SOX5: variants seen among roughly 807,000 people sequenced by gnomAD.
SOX5 encodes SRY-box transcription factor 5.
Under a neutral mutation model 92.0 loss-of-function variants are expected in SOX5, and 9 were observed. The observed-to-expected ratio is 0.10, with a 90% CI of 0.06 to 0.17. The LOEUF (loss-of-function observed/expected upper bound fraction) is 0.17. Ranked by LOEUF, SOX5 falls within the 10% of genes least tolerant of loss-of-function variation. The pLI, the probability that SOX5 is intolerant of heterozygous loss-of-function variation, is 1.00. For synonymous variants in SOX5, 344 were observed against 336.3 expected, an observed-to-expected ratio of 1.02 and a Z score of -0.25; for missense variants, 642 against 944.5, an observed-to-expected ratio of 0.68 and a Z score of 4.20.
intron 2 of SOX5, among the ~76,000 whole-genome samples, chr12:24,296,200 C>T (rs184052737): frequency 4.8e-4 from 73 of 152,306 alleles, no homozygotes; most frequent in East Asian, 1.5e-3. Context: ...TCTCTTTATA[C>T]GCTGGTTTTA....
chr12:24,174,054 G>A (rs550454000), intron 4 of SOX5, among the ~76,000 whole-genome samples: 1 of 152,034 alleles, frequency 6.6e-6, no homozygotes, highest in East Asian at 1.9e-4. Context: ...CTGGAGTACA[G>A]TGGTATAATC....
chr12:23,694,169 T>C (rs560197849), intron 6 of SOX5, among the ~76,000 whole-genome samples: 2 of 152,338 alleles, frequency 1.3e-5, no homozygotes, highest in Non-Finnish European at 2.9e-5. Context: ...TTCATGACTG[T>C]TTTTAAGATC....
Position 24,394,264 on chromosome 12 carries a change from C to G in SOX5, c.-250-25625G>C, listed in dbSNP as rs1310947800. Among the ~76,000 whole-genome samples the G allele has an allele frequency of 2.0e-5, 3 of 152,116 alleles. No individual in the cohort carries two copies. The East Asian group carries it at 5.8e-4, about 29-fold the overall frequency. On this transcript the variant is annotated intron_variant, in intron 1 of 4. Transcript: ENST00000446891. ...ACCTGAGAAGGAAAAAGAAATTCAT[C>G]AAGAACCCTACTATAGCCGAGAGAA...
rs182797957 is a variant in SOX5 at position 24,226,619 on chromosome 12, C to T, written c.-76-13202G>A. Among the ~76,000 whole-genome samples the T allele has an allele frequency of 7.2e-4, 109 of 152,158 alleles. No individual in the cohort carries two copies. In the South Asian group the frequency reaches 8.1e-3, roughly 11 times the overall value. ...TGGAGTAACTGGGATTACACGCACCCGCCACCACGCCCAGCTAATTTTTGT... is the reference window on the plus strand; with the variant it reads ...TGGAGTAACTGGGATTACACGCACCTGCCACCACGCCCAGCTAATTTTTGT... On this transcript the variant is annotated intron_variant, in intron 3 of 4. Coordinates refer to the SOX5 transcript ENST00000446891.
intron 3 of SOX5, among the ~76,000 whole-genome samples, chr12:24,229,703 C>A (rs1158600732): frequency 1.3e-5 from 2 of 152,220 alleles, no homozygotes; most frequent in African/African-American, 4.8e-5. Context: ...AAATGAGCCA[C>A]TGACATGTCC....
intron 3 of SOX5, among the ~76,000 whole-genome samples, chr12:23,815,735 C>T (rs1237824047): frequency 6.6e-6 from 1 of 152,156 alleles, no homozygotes; most frequent in Non-Finnish European, 1.5e-5. Flanking sequence ...GTGAATGGTT[C>T]TGGTCGGAGA....
At chr12:24,047,941 AACAAGTG>A (rs1957211281) in intron 4 of SOX5, among the ~76,000 whole-genome samples, 1 of 152,244 alleles carries the variant, frequency 6.6e-6, no homozygotes, top group African/African-American at 2.4e-5. Flanking sequence ...AGTAAACGTT[AACAAGTG>A]ATCCTTTTCT....
intron 1 of SOX5, among the ~76,000 whole-genome samples, chr12:24,370,433 C>A (rs1319356869): frequency 7.0e-6 from 1 of 142,382 alleles, no homozygotes; most frequent in East Asian, 2.1e-4. Flanking sequence ...GCTGAGACTG[C>A]GCCACCGCAC....
intron 4 of SOX5, among the ~76,000 whole-genome samples, chr12:24,045,825 A>G (rs1193767854): frequency 1.3e-5 from 2 of 152,150 alleles, no homozygotes; most frequent in African/African-American, 2.4e-5. Context: ...CCCTCCTTGA[A>G]CAATTCAAAC....
chr12:24,071,944 T>A (rs979389003), intron 4 of SOX5, among the ~76,000 whole-genome samples: 5 of 152,314 alleles, frequency 3.3e-5, no homozygotes, highest in African/African-American at 1.2e-4. Flanking sequence ...TAGACATTAG[T>A]TGATCCCTTT....
At chr12:23,658,774 T>A (rs1475878021) in intron 7 of SOX5, among the ~76,000 whole-genome samples, 1 of 152,112 alleles carries the variant, frequency 6.6e-6, no homozygotes, top group Non-Finnish European at 1.5e-5. Flanking sequence ...ACGCCTGTAA[T>A]CCCAGCTACT....
chr12:24,497,755 T>C (rs1032608277), intron 1 of SOX5, among the ~76,000 whole-genome samples: 1 of 152,116 alleles, frequency 6.6e-6, no homozygotes, highest in Non-Finnish European at 1.5e-5. Context: ...CATGCATAAG[T>C]TCATTACAGC....
intron 1 of SOX5, among the ~76,000 whole-genome samples, chr12:24,472,607 T>G (rs1228421636): frequency 6.6e-6 from 1 of 152,190 alleles, no homozygotes; most frequent in Non-Finnish European, 1.5e-5. Context: ...GAATTGTACT[T>G]GGGTCCATAG....
At chr12:24,140,248 G>A (rs1242373502) in intron 4 of SOX5, among the ~76,000 whole-genome samples, 7 of 152,134 alleles carry the variant, frequency 4.6e-5, no homozygotes, top group African/African-American at 1.4e-4. Context: ...GGGGGTAAGG[G>A]AGGGGTGGTG....
At chr12:24,033,371 A>G (rs552508145) in intron 4 of SOX5, among the ~76,000 whole-genome samples, 10 of 152,158 alleles carry the variant, frequency 6.6e-5, no homozygotes, top group African/African-American at 2.4e-4. Context: ...TTTTATGTCT[A>G]ACTTTAAAAA....
intron 3 of SOX5, among the ~76,000 whole-genome samples, chr12:24,257,477 G>GT (rs61338300): frequency 0.69 from 103,910 of 151,626 alleles, 38,030 homozygotes; most frequent in East Asian, 0.95. Flanking sequence ...GTTTTGTTTT[G>GT]TTTTTTTCTG....
chr12:24,542,923 G>A (rs547620411), intron 1 of SOX5, among the ~76,000 whole-genome samples: 11 of 152,164 alleles, frequency 7.2e-5, no homozygotes, highest in Non-Finnish European at 1.5e-4. Flanking sequence ...TTTTGGTGTG[G>A]CTTACCCAAG....
chr12:24,095,796 G>T (rs899532599), intron 4 of SOX5, among the ~76,000 whole-genome samples: 1 of 152,026 alleles, frequency 6.6e-6, no homozygotes, highest in African/African-American at 2.4e-5. Flanking sequence ...GGTTTTATAA[G>T]GGGCTCTCCC....
At chr12:23,876,647 T>C (rs1398299101) in intron 2 of SOX5, among the ~76,000 whole-genome samples, 1 of 152,202 alleles carries the variant, frequency 6.6e-6, no homozygotes, top group South Asian at 2.1e-4. Context: ...TTACTGGGTA[T>C]ATACCCAAAG....
Sources: gnomAD v4.1 joint callset for allele counts (sites outside exome capture counted in the v4.1 genomes callset) on GRCh38, gnomAD v4.1.1 for gene constraint, MANE v1.5 for transcripts, NCBI Gene and HGNC (gene_info 2026-07-23, HGNC 2026-07-21) for gene names.